AKAP13: variants seen among roughly 807,000 people sequenced by gnomAD.
AKAP13 encodes A-kinase anchoring protein 13, also known as A-kinase anchor protein 13.
A neutral mutation model predicts 264.5 loss-of-function variants in AKAP13; 80 were observed. That is an observed-to-expected ratio of 0.30 (90% CI 0.25 to 0.36). The LOEUF is 0.36. Ranked by LOEUF, AKAP13 falls within the 10% of genes least tolerant of loss-of-function variation. AKAP13 has a pLI of 1.00. For missense variants in AKAP13, 3,712 were observed against 3,435.2 expected, an observed-to-expected ratio of 1.08 and a Z score of -2.01; for synonymous variants, 1,380 against 1,250.2, an observed-to-expected ratio of 1.10 and a Z score of -2.19.
intron 1 of AKAP13, among the ~76,000 whole-genome samples, chr15:85,457,525 C>G (rs534929713): frequency 6.6e-6 from 1 of 152,148 alleles, no homozygotes; most frequent in Non-Finnish European, 1.5e-5. Flanking sequence ...GATTGGAGAG[C>G]GCCTAGCTCA....
At chr15:85,521,824 T>C (rs1174017668) in intron 3 of AKAP13, among the ~76,000 whole-genome samples, 1 of 152,216 alleles carries the variant, frequency 6.6e-6, no homozygotes, top group Non-Finnish European at 1.5e-5. Context: ...TTATAACTTA[T>C]TTAAGAACTG....
At chr15:85,721,417 G>GA (rs1263586170) in intron 23 of AKAP13, among the ~76,000 whole-genome samples, 1 of 152,194 alleles carries the variant, frequency 6.6e-6, no homozygotes, top group Non-Finnish European at 1.5e-5. Flanking sequence ...TGTATTTTAT[G>GA]AACTGCATAC....
intron 30 of AKAP13, 37 bp from the exon 31 acceptor site, chr15:85,734,955 G>T (rs752512534): frequency 6.2e-7 from 1 of 1,600,372 alleles, no homozygotes; most frequent in South Asian, 1.1e-5. Context: ...CTCATTGAAA[G>T]ATAAGATGTC....
chr15:85,514,494 C>T lies in AKAP13; in HGVS notation c.34-6934C>T, dbSNP rs555911945. 7.3e-5 allele frequency among the ~76,000 whole-genome samples: 10 copies of T among 137,332 alleles called. 2 individuals are homozygous for T. The South Asian group carries it at 2.2e-3, about 31-fold the overall frequency. 90.1% of individuals were successfully genotyped at this position (137,332 alleles called of 152,430 possible). On this transcript the variant is annotated intron_variant, in intron 2 of 36. Coordinates refer to ENST00000394518, the MANE Select transcript of AKAP13 (RefSeq NM_007200.5). ...CAGTCTCATCTTATAGATACTCTGACCCAGGCCTGGAATCAGCCAAGTCTC... is the reference window on the plus strand; with the variant it reads ...CAGTCTCATCTTATAGATACTCTGATCCAGGCCTGGAATCAGCCAAGTCTC...
intron 1 of AKAP13, among the ~76,000 whole-genome samples, chr15:85,463,860 T>C (rs749638195): frequency 6.6e-6 from 1 of 152,024 alleles, no homozygotes; most frequent in Non-Finnish European, 1.5e-5. Flanking sequence ...TAGGAGTCAG[T>C]TGGTAATGAG....
intron 1 of AKAP13, among the ~76,000 whole-genome samples, chr15:85,383,863 T>C: frequency 6.6e-6 from 1 of 152,234 alleles, no homozygotes; most frequent in East Asian, 1.9e-4. Context: ...CTCAAACTTG[T>C]TTAAGGTAGA....
rs772655151 is a variant in AKAP13 at position 85,682,154 on chromosome 15, C to G, written c.5102-4C>G. On this transcript the variant is annotated splice_region_variant and splice_polypyrimidine_tract_variant and intron_variant, in intron 14 of 36. Coordinates refer to ENST00000394518, the MANE Select transcript of AKAP13 (RefSeq NM_007200.5). ...TCTAACTTTTTTTCTGCCTTGTTTT[C>G]TAGATTCACGGCCCTTCCACAGTAC... 6 of 1,613,328 alleles carry G rather than the reference C, an allele frequency of 3.7e-6. No homozygotes were observed. The African/African-American group carries it at 5.3e-5, about 14-fold the overall frequency.
intron 1 of AKAP13, among the ~76,000 whole-genome samples, chr15:85,469,309 C>A (rs2074871141): frequency 6.6e-6 from 1 of 151,998 alleles, no homozygotes; most frequent in South Asian, 2.1e-4. Flanking sequence ...TAAGGAACTG[C>A]ATATAATAGT....
intron 1 of AKAP13, among the ~76,000 whole-genome samples, chr15:85,414,798 A>G (rs183871277): frequency 6.6e-4 from 101 of 152,364 alleles, no homozygotes; most frequent in African/African-American, 2.3e-3. Context: ...GACCATTGAC[A>G]TTTGCCTAAT....
chr15:85,437,797 G>A (rs557159757), intron 1 of AKAP13, among the ~76,000 whole-genome samples: 1 of 152,120 alleles, frequency 6.6e-6, no homozygotes, highest in Non-Finnish European at 1.5e-5. Flanking sequence ...CAATAAATTA[G>A]GTATTGATGG....
intron 1 of AKAP13, among the ~76,000 whole-genome samples, chr15:85,386,900 A>AG (rs2070593667): frequency 1.3e-5 from 2 of 152,114 alleles, no homozygotes; most frequent in South Asian, 4.1e-4. Flanking sequence ...TTTTAAAATC[A>AG]GGTAGTGTGA....
At chr15:85,730,814 A>G (rs941225851) in intron 30 of AKAP13, 107 bp downstream of exon 30, 6 of 946,682 alleles carry the variant, frequency 6.3e-6, no homozygotes, top group Non-Finnish European at 9.2e-6. Flanking sequence ...CAAATGCAGA[A>G]AATTACCCAA....
chr15:85,522,275 T>A (rs1437443185), intron 3 of AKAP13, among the ~76,000 whole-genome samples: 1 of 152,176 alleles, frequency 6.6e-6, no homozygotes, highest in African/African-American at 2.4e-5. Context: ...AGGAACACTT[T>A]AGGGTTAAAG....
At chr15:85,405,651 G>A (rs555860523) in intron 1 of AKAP13, among the ~76,000 whole-genome samples, 5 of 152,324 alleles carry the variant, frequency 3.3e-5, no homozygotes, top group South Asian at 4.1e-4. Context: ...TATTGAGCTA[G>A]TAAGGGCAGG....
At chr15:85,679,185 G>A (rs1207946169) in intron 14 of AKAP13, among the ~76,000 whole-genome samples, 1 of 151,832 alleles carries the variant, frequency 6.6e-6, no homozygotes, top group Non-Finnish European at 1.5e-5. Context: ...AGGTTGCAGT[G>A]GCCAAGATCA....
At chr15:85,413,107 C>T (rs778364799) in intron 1 of AKAP13, among the ~76,000 whole-genome samples, 17 of 152,192 alleles carry the variant, frequency 1.1e-4, no homozygotes, top group African/African-American at 2.2e-4. Flanking sequence ...GCACTGTGTC[C>T]GCACTGCTAA....
At chr15:85,483,900 A>T (rs531738297) in intron 1 of AKAP13, among the ~76,000 whole-genome samples, 1 of 152,168 alleles carries the variant, frequency 6.6e-6, no homozygotes, top group East Asian at 1.9e-4. Flanking sequence ...AGTATATTTT[A>T]TGTGTGGCGC....
intron 30 of AKAP13, among the ~76,000 whole-genome samples, chr15:85,732,038 G>A (rs553251066): frequency 4.1e-4 from 59 of 144,966 alleles, no homozygotes; most frequent in African/African-American, 1.4e-3. Context: ...AGCTGAGATC[G>A]TATCACTGCC....
At chr15:85,451,765 T>G (rs2074099396) in intron 1 of AKAP13, among the ~76,000 whole-genome samples, 1 of 152,246 alleles carries the variant, frequency 6.6e-6, no homozygotes, top group African/African-American at 2.4e-5. Context: ...CCTTTGCAGG[T>G]GACCTGCTCT....
Sources: gnomAD v4.1 joint callset for allele counts (sites outside exome capture counted in the v4.1 genomes callset) on GRCh38, gnomAD v4.1.1 for gene constraint, MANE v1.5 for transcripts, NCBI Gene and HGNC (gene_info 2026-07-23, HGNC 2026-07-21) for gene names.